The following NALF1 variants were observed in gnomAD, a reference collection of about 807,000 sequenced individuals.
The protein encoded by NALF1 is NALCN channel auxiliary factor 1.
In NALF1, 3 loss-of-function variants were observed where a neutral mutation model predicts 48.4. The ratio of observed to expected loss-of-function variants is 0.06; its 90% CI spans 0.03 to 0.16. The LOEUF is 0.16. Among genes scored for constraint, NALF1 ranks in the 10% least tolerant of loss-of-function variants. The pLI is 1.00. For synonymous variants in NALF1, 262 were observed against 245.7 expected, an observed-to-expected ratio of 1.07 and a Z score of -0.62; for missense variants, 526 against 571.5, an observed-to-expected ratio of 0.92 and a Z score of 0.81.
chr13:107,664,750 T>C (rs1181502973), intron 1 of NALF1, among the ~76,000 whole-genome samples: 3 of 152,218 alleles, frequency 2.0e-5, no homozygotes, highest in South Asian at 2.1e-4. Flanking sequence ...TTCTACATTG[T>C]ATTCTTTTAA....
chr13:107,840,282 A>AT (rs1256574263), intron 1 of NALF1, among the ~76,000 whole-genome samples: 1 of 152,220 alleles, frequency 6.6e-6, no homozygotes, highest in Non-Finnish European at 1.5e-5. Context: ...GGTCAGGGTT[A>AT]TTGTTAGCTA....
At chr13:107,814,259 G>C (rs55814421) in intron 1 of NALF1, among the ~76,000 whole-genome samples, 1 of 152,026 alleles carries the variant, frequency 6.6e-6, no homozygotes, top group African/African-American at 2.4e-5. Flanking sequence ...GTAAGAAGAG[G>C]TATTTTTAGA....
intron 1 of NALF1, among the ~76,000 whole-genome samples, chr13:107,852,757 C>T (rs1024695497): frequency 7.2e-5 from 11 of 152,076 alleles, no homozygotes; most frequent in African/African-American, 2.7e-4. Flanking sequence ...TAAGTTTCCA[C>T]ATTAAGTACA....
intron 1 of NALF1, among the ~76,000 whole-genome samples, chr13:107,806,475 C>T (rs915952750): frequency 2.0e-5 from 3 of 151,946 alleles, no homozygotes; most frequent in East Asian, 1.9e-4. Flanking sequence ...TAATCTCTCA[C>T]GTAACTTAGA....
intron 1 of NALF1, among the ~76,000 whole-genome samples, chr13:107,515,978 T>C (rs182467818): frequency 2.6e-5 from 4 of 152,240 alleles, no homozygotes; most frequent in African/African-American, 7.2e-5. Flanking sequence ...CTGGGCTAAG[T>C]AGAATATAGA....
At chr13:107,595,722 C>A (rs1390537158) in intron 1 of NALF1, among the ~76,000 whole-genome samples, 1 of 152,082 alleles carries the variant, frequency 6.6e-6, no homozygotes, top group East Asian at 1.9e-4. Flanking sequence ...TCATCTGTGA[C>A]CATGAGTGAT....
intron 1 of NALF1, among the ~76,000 whole-genome samples, chr13:107,336,362 G>C (rs2138929024): frequency 1.5e-5 from 2 of 130,534 alleles, no homozygotes; most frequent in African/African-American, 5.9e-5. Context: ...CGATGATGAT[G>C]ATGATGATAA....
rs527843164 is a variant in NALF1 at position 107,705,502 on chromosome 13, G to A, written c.915+160180C>T. On this transcript the variant is annotated intron_variant, in intron 1 of 2. Coordinates refer to ENST00000375915, the MANE Select transcript of NALF1 (RefSeq NM_001080396.3). ...AAAAGGTTCATATGCTAAGTCTAAA[G>A]ATTTTATACATATATATATATATAT... Among the ~76,000 whole-genome samples the A allele has an allele frequency of 1.7e-4, 11 of 64,642 alleles. No individual in the cohort carries two copies. The South Asian group carries it at 8.7e-3, about 51-fold the overall frequency. The allele number at this position is 64,642 out of a possible 152,430, so 42.4% of individuals were successfully genotyped here.
At chr13:107,637,266 T>TAA (rs1491157025) in intron 1 of NALF1, among the ~76,000 whole-genome samples, 5 of 146,446 alleles carry the variant, frequency 3.4e-5, no homozygotes, top group African/African-American at 1.2e-4. Context: ...TATATATATA[T>TAA]AATTTATTAA....
Position 107,210,572 on chromosome 13 carries a change from C to T in NALF1, c.1087+12G>A. The T allele has an allele frequency of 6.3e-7, 1 of 1,599,786 alleles. No homozygotes were observed. The highest frequency in any genetic ancestry group is 1.3e-5 in the African/African-American group (1 of 74,682). On this transcript the variant is annotated intron_variant, in intron 2 of 2. Coordinates refer to ENST00000375915, the MANE Select transcript of NALF1 (RefSeq NM_001080396.3). ...CGGAGACTGGTGTACAGACTCCCAC[C>T]CGGCACTGTACCTGTACAGATGAAA... is the stretch of plus-strand genomic sequence containing the variant.
At chr13:107,220,817 G>A (rs912663483) in intron 1 of NALF1, among the ~76,000 whole-genome samples, 1 of 151,952 alleles carries the variant, frequency 6.6e-6, no homozygotes, top group African/African-American at 2.4e-5. Context: ...GGAGTGAGAT[G>A]GGCATGTCAG....
chr13:107,659,942 A>C (rs909328298), intron 1 of NALF1, among the ~76,000 whole-genome samples: 8 of 151,448 alleles, frequency 5.3e-5, no homozygotes, highest in African/African-American at 1.7e-4. Flanking sequence ...CATGTTAGCC[A>C]GGATGGTCTC....
rs1878073900 is a variant in NALF1, at chr13:107,786,422, A to G, written c.915+79260T>C. 2.8e-5 allele frequency among the ~76,000 whole-genome samples: 4 copies of G among 145,286 alleles called. No homozygotes were observed. In the South Asian group the frequency reaches 6.7e-4, roughly 24 times the overall value. ...CAAGAGCGAAACTCTTTCTCAAAAA[A>G]AAAAAAAAAAAAAAAAAAAAGCCGG... On this transcript the variant is annotated intron_variant, in intron 1 of 2. Transcript: ENST00000375915.
chr13:107,711,489 C>T (rs1454582102), intron 1 of NALF1, among the ~76,000 whole-genome samples: 2 of 152,222 alleles, frequency 1.3e-5, no homozygotes, highest in Non-Finnish European at 2.9e-5. Context: ...GCATGCACCA[C>T]CACGCCCGGC....
At chr13:107,208,897 C>T (rs1879698708) in intron 2 of NALF1, among the ~76,000 whole-genome samples, 1 of 152,046 alleles carries the variant, frequency 6.6e-6, no homozygotes, top group East Asian at 1.9e-4. Flanking sequence ...CCTCCTCCCC[C>T]TCCAGCAGAG....
chr13:107,744,146 GCAGA>G lies in NALF1; in HGVS notation c.915+121532_915+121535del, dbSNP rs924417901. On this transcript the variant is annotated intron_variant, in intron 1 of 2. Coordinates refer to ENST00000375915, the MANE Select transcript of NALF1 (RefSeq NM_001080396.3). ...ATAAAAATCCAGCACAGAAAGTACA[GCAGA>G]CAGAGAGACCTTTGAGTCAGACAGA... 9.2e-5 allele frequency among the ~76,000 whole-genome samples: 14 copies of G among 152,312 alleles called. 2 individuals carry two copies. The highest frequency in any genetic ancestry group is 9.6e-5 in the African/African-American group (4 of 41,578).
intron 1 of NALF1, among the ~76,000 whole-genome samples, chr13:107,345,183 T>C (rs1462162228): frequency 6.6e-6 from 1 of 152,036 alleles, no homozygotes; most frequent in East Asian, 1.9e-4. Flanking sequence ...TGAAAAACCA[T>C]CCTTTGTTCT....
chr13:107,596,755 T>G (rs570655496), intron 1 of NALF1, among the ~76,000 whole-genome samples: 1 of 152,154 alleles, frequency 6.6e-6, no homozygotes, highest in Admixed American at 6.5e-5. Context: ...GCACACCATA[T>G]GGAACATGTA....
At chr13:107,286,438 A>G (rs1310014364) in intron 1 of NALF1, among the ~76,000 whole-genome samples, 1 of 151,990 alleles carries the variant, frequency 6.6e-6, no homozygotes, top group East Asian at 1.9e-4. Context: ...TTTGAGATCA[A>G]TCTGGGCAAC....
Sources: allele counts gnomAD v4.1 joint callset (sites outside exome capture counted in the v4.1 genomes callset), GRCh38; gene constraint gnomAD v4.1.1; transcripts MANE v1.5; gene names NCBI Gene and HGNC (gene_info 2026-07-23, HGNC 2026-07-21).